The following TDRD12 variants were observed in gnomAD, a reference collection of about 807,000 sequenced individuals.
TDRD12 encodes putative ATP-dependent RNA helicase TDRD12.
A neutral mutation model predicts 133.5 loss-of-function variants in TDRD12; 158 were observed. The ratio of observed to expected loss-of-function variants is 1.18; its 90% CI spans 1.04 to 1.35. TDRD12 has a LOEUF of 1.35. Ranked by LOEUF, TDRD12 falls within the 40% of genes most tolerant of loss-of-function variation. The probability of loss-of-function intolerance (pLI) is 0.00; values close to 1 mark genes in which losing one functional copy is unlikely to be tolerated. For synonymous variants in TDRD12, 460 were observed against 477.9 expected, an observed-to-expected ratio of 0.96 and a Z score of 0.49; for missense variants, 1,443 against 1,321.3, an observed-to-expected ratio of 1.09 and a Z score of -1.43.
At chr19:32,801,248 A>C (rs1428304808) in intron 18 of TDRD12, among the ~76,000 whole-genome samples, 1 of 152,080 alleles carries the variant, frequency 6.6e-6, no homozygotes, top group Non-Finnish European at 1.5e-5. Context: ...AGAAGATAAC[A>C]GTAAAAGATA....
intron 25 of TDRD12, 98 bp from the exon 26 acceptor site, chr19:32,815,350 C>A: frequency 2.9e-6 from 3 of 1,024,042 alleles, no homozygotes; most frequent in East Asian, 5.3e-5. Context: ...GCCAACGTGG[C>A]AGGCTGAATG....
rs566636039 is a variant in TDRD12 at position 32,813,397 on chromosome 19, G to A, written c.3049-287G>A. ...GTGATGGAGGAGATGGGGTACGCAC[G>A]TCCACAGAAGAAAATGTACAGTGTT... On this transcript the variant is annotated intron_variant, in intron 24 of 27. Transcript: ENST00000444215. 3.9e-5 allele frequency among the ~76,000 whole-genome samples: 6 copies of A among 152,240 alleles called. No homozygotes were observed. The East Asian group carries it at 1.2e-3, about 29-fold the overall frequency.
In TDRD12 at chr19:32,798,420, G is replaced by A. The variant is rs1296375919; in HGVS notation, c.1743G>A (p.Leu581=). The change falls in exon 16 of 28, where the codon TTG becomes TTA. Residue 581 remains leucine, a synonymous_variant. Transcript: ENST00000444215. The stretch of plus-strand genomic sequence containing the variant: ...TGGATGAGGTAGAGGTGCTATTCTT[G>A]GAAGCCAATGAACAGGTGAGCGTGG... 3 of 1,535,064 alleles carry A rather than the reference G, an allele frequency of 2.0e-6. No individual in the cohort carries two copies. The East Asian group carries it at 7.3e-5, about 38-fold the overall frequency.
chr19:32,720,003 G>A, exon 1 of TDRD12: 2 of 1,532,884 alleles, frequency 1.3e-6, no homozygotes, highest in Middle Eastern at 1.9e-4. Context: ...GGCGGACGCA[G>A]CCAGCCTCAC....
At chr19:32,753,670 A>AT (rs61178379) in intron 6 of TDRD12, among the ~76,000 whole-genome samples, 3,780 of 130,386 alleles carry the variant, frequency 0.029, 59 homozygotes, top group African/African-American at 0.048. Flanking sequence ...CACCTGGCTA[A>AT]TTTTTTTTTT....
chr19:32,800,761 A>G lies in TDRD12; in HGVS notation c.2068A>G (p.Ile690Val), dbSNP rs943271860. 123 of 1,534,426 alleles carry G rather than the reference A, an allele frequency of 8.0e-5. 1 individual carries two copies. In the Admixed American group the frequency reaches 2.4e-3, roughly 30 times the overall value. ...CACCTGCTCTGTAGCTGAAACAGAA[A>G]TAGTGTGTAAGGTGAGTCCATCTCC... Residue 690 changes from isoleucine (I) to valine (V), a missense_variant, in exon 18 of 28, where the codon ATA becomes GTA. Physicochemically the swap from Ile to Val is conservative, Grantham distance 29 (BLOSUM62 3). Transcript: ENST00000444215.
chr19:32,761,729 A>T (rs1213466056), intron 8 of TDRD12, among the ~76,000 whole-genome samples: 1 of 151,762 alleles, frequency 6.6e-6, no homozygotes, highest in Non-Finnish European at 1.5e-5. Context: ...TTGTGCTGTC[A>T]CCTAGGCTGG....
chr19:32,736,866 A>G (rs1568448939), intron 2 of TDRD12, among the ~76,000 whole-genome samples: 1 of 152,148 alleles, frequency 6.6e-6, no homozygotes, highest in Non-Finnish European at 1.5e-5. Context: ...GTTCTCCTTA[A>G]AAGGGGCTGC....
intron 21 of TDRD12, 124 bp from the exon 22 acceptor site, chr19:32,807,425 C>G (rs1971585894): frequency 1.7e-6 from 1 of 575,570 alleles, no homozygotes; most frequent in Non-Finnish European, 2.9e-6. Flanking sequence ...GTTATTCAGT[C>G]TTTAGGGTGT....
At chr19:32,794,549 G>A (rs992584919) in intron 13 of TDRD12, 79 bp from the exon 14 acceptor site, 12 of 646,760 alleles carry the variant, frequency 1.9e-5, no homozygotes, top group Non-Finnish European at 3.1e-5. Context: ...GTGCTTTTTG[G>A]GGTGAAATGA....
intron 22 of TDRD12, 48 bp from the exon 23 acceptor site, chr19:32,810,045 G>A: frequency 7.8e-7 from 1 of 1,276,224 alleles, no homozygotes; most frequent in South Asian, 1.6e-5. Context: ...TACATATCCG[G>A]TTTAGACTAA....
intron 19 of TDRD12, 33 bp from the exon 20 acceptor site, chr19:32,802,623 C>T (rs930933275): frequency 3.3e-6 from 5 of 1,531,976 alleles, no homozygotes; most frequent in African/African-American, 2.7e-5. Flanking sequence ...GTAACTCCAG[C>T]GCGTGTGACA....
At chr19:32,741,343 A>G (rs1417116659) in intron 3 of TDRD12, among the ~76,000 whole-genome samples, 2 of 152,184 alleles carry the variant, frequency 1.3e-5, no homozygotes, top group Non-Finnish European at 2.9e-5. Flanking sequence ...CGGCTTCCCA[A>G]AGTGCTGGGA....
chr19:32,807,528 G>A, intron 21 of TDRD12, 21 bp from the exon 22 acceptor site: 4 of 1,460,410 alleles, frequency 2.7e-6, no homozygotes. Flanking sequence ...CTTATGATAA[G>A]TCTAGTCATT....
chr19:32,734,889 T>A (rs1038124327), intron 2 of TDRD12, among the ~76,000 whole-genome samples: 4 of 152,204 alleles, frequency 2.6e-5, no homozygotes, highest in African/African-American at 9.6e-5. Flanking sequence ...GTTATAGTGA[T>A]CTGTGGCCAG....
chr19:32,719,905 G>A (rs2145386727), exon 1 of TDRD12: 1 of 777,602 alleles, frequency 1.3e-6, no homozygotes, highest in Admixed American at 2.4e-5. Flanking sequence ...AGGGCTCCTG[G>A]GGACGAGGAG....
chr19:32,746,103 A>T (rs1211390005), intron 4 of TDRD12, among the ~76,000 whole-genome samples: 2 of 142,952 alleles, frequency 1.4e-5, no homozygotes, highest in Non-Finnish European at 3.0e-5. Flanking sequence ...GGGGAGAGAG[A>T]CTGGCTGATG....
In TDRD12 at chr19:32,818,315, G is replaced by A. The variant is rs920070184; in HGVS notation, c.3383+158G>A. On this transcript the variant is annotated intron_variant, in intron 27 of 27. Transcript: ENST00000444215. ...GAGCAGGGATGAAGGTACTCAGAGCGGAGCAGAACACAGAGACCCGGAGGT... is the reference window on the plus strand; with the variant it reads ...GAGCAGGGATGAAGGTACTCAGAGCAGAGCAGAACACAGAGACCCGGAGGT... Among the ~76,000 whole-genome samples the A allele has an allele frequency of 3.3e-5, 5 of 152,300 alleles. No individual in the cohort carries two copies. The East Asian group carries it at 9.7e-4, about 29-fold the overall frequency.
chr19:32,719,849 C>T, exon 1 of TDRD12: 1 of 595,856 alleles, frequency 1.7e-6, no homozygotes, highest in South Asian at 1.9e-5. Context: ...GGGCTGGTTA[C>T]TGCCAGGACG....
Sources: allele counts gnomAD v4.1 joint callset (sites outside exome capture counted in the v4.1 genomes callset), GRCh38; gene constraint gnomAD v4.1.1; transcripts MANE v1.5; gene names NCBI Gene and HGNC (gene_info 2026-07-23, HGNC 2026-07-21).